The following ABCB4 variants were observed in gnomAD, a reference collection of about 807,000 sequenced individuals.
ABCB4 encodes ATP binding cassette subfamily B member 4.
A neutral mutation model predicts 145.7 loss-of-function variants in ABCB4; 76 were observed. That is an observed-to-expected ratio of 0.52 (90% CI 0.43 to 0.63). The LOEUF is 0.63. Ranked by LOEUF, ABCB4 falls within the 30% of genes least tolerant of loss-of-function variation. The pLI is 0.00. For missense variants in ABCB4, 1,234 were observed against 1,553.1 expected, an observed-to-expected ratio of 0.79 and a Z score of 3.45; for synonymous variants, 517 against 566.8, an observed-to-expected ratio of 0.91 and a Z score of 1.25.
In ABCB4 at chr7:87,443,750, T is replaced by C. The variant is rs142671969; in HGVS notation, c.1143A>G (p.Ser381=). The C allele has an allele frequency of 7.7e-5, 125 of 1,613,532 alleles. No individual in the cohort carries two copies. Among genetic ancestry groups the C allele is most frequent in the Non-Finnish European group, 1.0e-4 (121 of 1,179,642 alleles). The change falls in exon 11 of 28, where the codon TCA becomes TCG. Residue 381 remains serine (S), a synonymous_variant. Coordinates refer to ENST00000649586, the MANE Select transcript of ABCB4 (RefSeq NM_000443.4). The stretch of plus-strand genomic sequence containing the variant: ...TGCTGTCTGGTTTGTGTCCTCTCTC[T>C]GAAAAACTGTCAATTTTAGGATTCT... ...IDNNPKIDSF[S]ERGHKPDSIK...
the ABCB4 span, among the ~76,000 whole-genome samples, chr7:87,394,678 AT>A: frequency 2.0e-5 from 3 of 152,066 alleles, no homozygotes; most frequent in African/African-American, 7.2e-5. Context: ...TGGGTGCTAT[AT>A]TTTTTATAGC....
At chr7:87,376,265 G>A in the ABCB4 span, among the ~76,000 whole-genome samples, 1 of 151,980 alleles carries the variant, frequency 6.6e-6, no homozygotes, top group Non-Finnish European at 1.5e-5. Flanking sequence ...AGAGCACTAG[G>A]TTAATGAGCT....
At chr7:87,392,904 G>C in the ABCB4 span, 1 of 1,611,078 alleles carries the variant, frequency 6.2e-7, no homozygotes. Context: ...AACAATATAA[G>C]CATCTGTAGG....
At chr7:87,431,273 G>C in intron 15 of ABCB4, 131 bp downstream of exon 15, 3 of 1,190,994 alleles carry the variant, frequency 2.5e-6, no homozygotes, top group Non-Finnish European at 3.7e-6. Flanking sequence ...TAAAGTCTCA[G>C]ATATACACTT....
At chr7:87,390,067 G>A in the ABCB4 span, among the ~76,000 whole-genome samples, 3 of 152,188 alleles carry the variant, frequency 2.0e-5, no homozygotes, top group Admixed American at 6.5e-5. Context: ...ATCCTGTAGA[G>A]TTTTCTGAAT....
chr7:87,423,536 A>G (rs1809594406), intron 17 of ABCB4: 1 of 328,960 alleles, frequency 3.0e-6, no homozygotes, highest in African/African-American at 2.2e-5. Context: ...GACTCTTATT[A>G]AACTCTATGA....
intron 14 of ABCB4, among the ~76,000 whole-genome samples, chr7:87,437,413 G>C (rs763651653): frequency 6.6e-6 from 1 of 152,126 alleles, no homozygotes; most frequent in Non-Finnish European, 1.5e-5. Flanking sequence ...CATGTGCTCA[G>C]GTGGAAAGAA....
intron 17 of ABCB4, among the ~76,000 whole-genome samples, chr7:87,422,687 C>A (rs1809531620): frequency 6.6e-6 from 1 of 152,126 alleles, no homozygotes; most frequent in Non-Finnish European, 1.5e-5. Context: ...CTGTCCCAGC[C>A]CTCCACTTCT....
the ABCB4 span, among the ~76,000 whole-genome samples, chr7:87,389,245 C>T: frequency 6.6e-6 from 1 of 152,132 alleles, no homozygotes; most frequent in African/African-American, 2.4e-5. Context: ...ACCAGAAATA[C>T]CATTTGATCC....
chr7:87,385,921 G>A, the ABCB4 span, among the ~76,000 whole-genome samples: 2 of 152,086 alleles, frequency 1.3e-5, no homozygotes, highest in African/African-American at 4.8e-5. Flanking sequence ...ATGCTTTTCA[G>A]CATCTATTGA....
Position 87,469,708 on chromosome 7 carries a change from G to A in ABCB4, c.135+2913C>T, listed in dbSNP as rs548066377. ...GGAGAACTACAAACCACTGCTCAAC[G>A]AAATAAAAGAGGACACAAACAAATG... On this transcript the variant is annotated intron_variant, in intron 3 of 27. Coordinates refer to ENST00000649586, the MANE Select transcript of ABCB4 (RefSeq NM_000443.4). Among the ~76,000 whole-genome samples, 163 of 152,156 alleles carry A rather than the reference G, an allele frequency of 1.1e-3. 1 individual carries two copies. Among genetic ancestry groups the A allele is most frequent in the African/African-American group, 3.7e-3 (154 of 41,516 alleles).
At chr7:87,414,811 T>A (rs2116437698) in intron 21 of ABCB4, among the ~76,000 whole-genome samples, 1 of 152,310 alleles carries the variant, frequency 6.6e-6, no homozygotes, top group South Asian at 2.1e-4. Context: ...AGAGAAAAAT[T>A]ACTGAGCTTT....
At chr7:87,422,371 C>G (rs773065702) in intron 17 of ABCB4, 146 bp from the exon 18 acceptor site, 363 of 711,190 alleles carry the variant, frequency 5.1e-4, no homozygotes, top group Non-Finnish European at 7.4e-4. Context: ...ATATACATAA[C>G]ACAAAATTTA....
At chr7:87,401,587 G>A (rs2097937), downstream of ABCB4, 152,377 of 207,796 alleles carry the variant, frequency 0.73, 57,797 homozygotes, top group Non-Finnish European at 0.82. Flanking sequence ...GAGTTAGCTC[G>A]GTAGGGCAAT....
the ABCB4 span, among the ~76,000 whole-genome samples, chr7:87,373,004 T>G: frequency 6.6e-6 from 1 of 152,142 alleles, no homozygotes; most frequent in Non-Finnish European, 1.5e-5. Flanking sequence ...AGGGGTAGAA[T>G]TGCCAGGTCA....
intron 19 of ABCB4, among the ~76,000 whole-genome samples, chr7:87,419,027 G>T (rs1050547437): frequency 1.3e-5 from 2 of 152,158 alleles, no homozygotes; most frequent in Admixed American, 6.5e-5. Context: ...ATTCTAGGCA[G>T]GAGAAAATAA....
chr7:87,369,264 T>C, the ABCB4 span: 5 of 638,682 alleles, frequency 7.8e-6, no homozygotes, highest in South Asian at 9.1e-5. Flanking sequence ...TTGATGACTA[T>C]ATGATAAATA....
At chr7:87,471,448 T>C (rs1407370149) in intron 3 of ABCB4, among the ~76,000 whole-genome samples, 2 of 152,170 alleles carry the variant, frequency 1.3e-5, no homozygotes, top group African/African-American at 4.8e-5. Flanking sequence ...CAATTTATTC[T>C]CCAAAGTGCT....
At chr7:87,394,545 A>G in the ABCB4 span, among the ~76,000 whole-genome samples, 2 of 97,566 alleles carry the variant, frequency 2.0e-5, no homozygotes, top group Non-Finnish European at 4.1e-5. Flanking sequence ...AATCTAGTAT[A>G]AGTACTATTT....
Sources: allele counts gnomAD v4.1 joint callset (sites outside exome capture counted in the v4.1 genomes callset), GRCh38; gene constraint gnomAD v4.1.1; transcripts MANE v1.5; gene names NCBI Gene and HGNC (gene_info 2026-07-23, HGNC 2026-07-21).